The following OPCML variants were observed in gnomAD, a reference collection of about 807,000 sequenced individuals.
OPCML encodes the protein opioid binding protein/cell adhesion molecule like.
A neutral mutation model predicts 37.8 loss-of-function variants in OPCML; 13 were observed. The ratio of observed to expected loss-of-function variants is 0.34; its 90% CI spans 0.22 to 0.55. The LOEUF is 0.55. Among genes scored for constraint, OPCML ranks in the 20% least tolerant of loss-of-function variants. The pLI is 0.91. For synonymous variants in OPCML, 176 were observed against 168.8 expected (o/e 1.04, Z -0.33); for missense variants, 341 against 435.6 (o/e 0.78, Z 1.93).
intron 4 of OPCML, among the ~76,000 whole-genome samples, chr11:132,478,366 C>G (rs915551751): frequency 6.6e-6 from 1 of 152,102 alleles, no homozygotes; most frequent in African/African-American, 2.4e-5. Flanking sequence ...GGCTGGCACA[C>G]AGTAGGTGCT....
At chr11:132,954,366 C>CA (rs72514284) in intron 1 of OPCML, among the ~76,000 whole-genome samples, 76,746 of 151,658 alleles carry the variant, frequency 0.51, 19,625 homozygotes, top group East Asian at 0.72. Flanking sequence ...AAAATTAGAT[C>CA]GGGTTCTTGG....
chr11:132,999,678 G>A (rs762593435), intron 1 of OPCML, among the ~76,000 whole-genome samples: 4 of 152,188 alleles, frequency 2.6e-5, no homozygotes, highest in Admixed American at 6.5e-5. Context: ...TACAGCCAGA[G>A]GCGGCCATCA....
intron 1 of OPCML, among the ~76,000 whole-genome samples, chr11:133,214,932 C>T (rs1939521105): frequency 6.6e-6 from 1 of 152,174 alleles, no homozygotes; most frequent in African/African-American, 2.4e-5. Flanking sequence ...CCTCGTTGGG[C>T]ACCCAGAGCA....
intron 1 of OPCML, among the ~76,000 whole-genome samples, chr11:133,076,705 A>G (rs1316077407): frequency 7.4e-6 from 1 of 134,956 alleles, no homozygotes; most frequent in Non-Finnish European, 1.6e-5. Context: ...CAGCCTCATC[A>G]TTGTCATCAT....
intron 1 of OPCML, among the ~76,000 whole-genome samples, chr11:133,276,876 A>C (rs749270978): frequency 6.6e-6 from 1 of 152,204 alleles, no homozygotes; most frequent in Non-Finnish European, 1.5e-5. Flanking sequence ...GAAAGACTTC[A>C]TCCATTTCAA....
rs79141837 is a variant in OPCML, at chr11:133,412,665, G to A, written c.61+119599C>T. Among the ~76,000 whole-genome samples, 997 of 152,192 alleles carry A rather than the reference G, an allele frequency of 6.6e-3. 38 individuals are homozygous for A. The highest frequency in any genetic ancestry group is 0.052 in the Admixed American group (797 of 15,300). On this transcript the variant is annotated intron_variant, in intron 1 of 7. Transcript: ENST00000524381. ...ATGCCCCTATCCTCTCTTCATACAC[G>A]CCAATAAACTTTTCCACTGTAGTCT... is the stretch of plus-strand genomic sequence containing the variant.
intron 3 of OPCML, among the ~76,000 whole-genome samples, chr11:132,562,026 G>GTTC (rs1565667386): frequency 6.6e-6 from 1 of 152,174 alleles, no homozygotes; most frequent in Non-Finnish European, 1.5e-5. Flanking sequence ...AATTCTTGAA[G>GTTC]GAGTTTGCAG....
At chr11:133,527,065 G>A (rs968075327) in intron 1 of OPCML, among the ~76,000 whole-genome samples, 3 of 152,154 alleles carry the variant, frequency 2.0e-5, no homozygotes, top group African/African-American at 7.2e-5. Context: ...GCAGCTGCAG[G>A]CAGATGGCAA....
chr11:132,943,852 C>G lies in OPCML; in HGVS notation c.62-842G>C, dbSNP rs1201934938. 2.0e-5 allele frequency: 3 copies of G among 150,870 alleles called. No individual in the cohort carries two copies. Among genetic ancestry groups the G allele is most frequent in the Non-Finnish European group, 1.5e-5 (1 of 67,634 alleles). 9.3% of individuals were successfully genotyped at this position (150,870 alleles called of 1,614,324 possible). ...GGCACGAGACGCGGGGACGCGCGGA[C>G]GCCACGCTCAGCGGCCGCCCCCGGC... On this transcript the variant is annotated intron_variant, in intron 1 of 7. Coordinates refer to ENST00000524381, the MANE Select transcript of OPCML (RefSeq NM_001012393.5). The surrounding 1 kb of genome is among the most constrained non-coding windows in gnomAD (Gnocchi z 4.3).
At chr11:132,558,018 C>T (rs1001539660) in intron 3 of OPCML, among the ~76,000 whole-genome samples, 24 of 152,062 alleles carry the variant, frequency 1.6e-4, no homozygotes, top group Non-Finnish European at 1.5e-5. Context: ...CACGGTGTTA[C>T]TTAGTCCCTA....
At chr11:133,222,643 C>T (rs1314509418) in intron 1 of OPCML, among the ~76,000 whole-genome samples, 3 of 152,236 alleles carry the variant, frequency 2.0e-5, no homozygotes, top group Non-Finnish European at 2.9e-5. Context: ...TCAGCCCGTC[C>T]AGCTCTGTCT....
intron 1 of OPCML, among the ~76,000 whole-genome samples, chr11:133,138,267 TG>T (rs1329210210): frequency 6.6e-6 from 1 of 152,192 alleles, no homozygotes; most frequent in Non-Finnish European, 1.5e-5. Context: ...CAGATGCCAG[TG>T]CCATATTCTT....
chr11:133,037,195 G>A (rs1410270239), intron 1 of OPCML, among the ~76,000 whole-genome samples: 1 of 152,178 alleles, frequency 6.6e-6, no homozygotes, highest in African/African-American at 2.4e-5. Flanking sequence ...ACTTATTTGG[G>A]TCAATAGAGC....
At chr11:133,228,447 T>C (rs2136380252) in intron 1 of OPCML, among the ~76,000 whole-genome samples, 1 of 152,386 alleles carries the variant, frequency 6.6e-6, no homozygotes, top group Non-Finnish European at 1.5e-5. Flanking sequence ...CTTTCCGCTA[T>C]AGCTCATGGA....
At chr11:133,039,782 A>G (rs1343665372) in intron 1 of OPCML, among the ~76,000 whole-genome samples, 7 of 151,990 alleles carry the variant, frequency 4.6e-5, no homozygotes, top group African/African-American at 1.7e-4. Flanking sequence ...GGGGGAGGAC[A>G]ACTTTGGGAG....
chr11:132,509,810 C>A (rs1459519534), intron 4 of OPCML, among the ~76,000 whole-genome samples: 1 of 152,210 alleles, frequency 6.6e-6, no homozygotes, highest in Non-Finnish European at 1.5e-5. Context: ...AGAACCTCTG[C>A]TAGGGCAGTG....
chr11:132,591,162 T>C (rs909332298), intron 3 of OPCML, among the ~76,000 whole-genome samples: 5 of 152,214 alleles, frequency 3.3e-5, no homozygotes, highest in Non-Finnish European at 5.9e-5. Flanking sequence ...ATCTCCTGCA[T>C]GTGATGCCAC....
At chr11:133,407,487 C>T (rs959119014) in intron 1 of OPCML, among the ~76,000 whole-genome samples, 2 of 152,158 alleles carry the variant, frequency 1.3e-5, no homozygotes, top group East Asian at 3.9e-4. Context: ...TTCTAGAAGG[C>T]TGCTCCCTTC....
At chr11:132,562,691 G>A (rs1297535083) in intron 3 of OPCML, among the ~76,000 whole-genome samples, 2 of 152,082 alleles carry the variant, frequency 1.3e-5, no homozygotes, top group Admixed American at 1.3e-4. Flanking sequence ...GACCTACACA[G>A]CAGGAACTTT....
Sources: allele counts gnomAD v4.1 joint callset (sites outside exome capture counted in the v4.1 genomes callset), GRCh38; gene constraint gnomAD v4.1.1; non-coding constraint Gnocchi (gnomAD v3.1); transcripts MANE v1.5; gene names NCBI Gene and HGNC (gene_info 2026-07-23, HGNC 2026-07-21).